Variants in CDH13 observed in about 807,000 individuals in gnomAD.
CDH13 encodes the protein cadherin 13, also known as cadherin-13.
A neutral mutation model predicts 63.8 loss-of-function variants in CDH13; 24 were observed. The ratio of observed to expected loss-of-function variants is 0.38; its 90% CI spans 0.27 to 0.53. The LOEUF (loss-of-function observed/expected upper bound fraction) is 0.53. CDH13 is among the 20% of genes least tolerant of loss of function. The pLI is 0.85. For synonymous variants in CDH13, 503 were observed against 355.3 expected (o/e 1.42, Z -4.67); for missense variants, 1,049 against 903.1 (o/e 1.16, Z -2.07).
chr16:82,968,628 C>T (rs916879373), intron 2 of CDH13, among the ~76,000 whole-genome samples: 2 of 152,088 alleles, frequency 1.3e-5, no homozygotes, highest in East Asian at 3.9e-4. Context: ...ATTCCAAGAC[C>T]CATCTCTCCT....
At chr16:83,605,636 A>T (rs1908256099) in intron 8 of CDH13, among the ~76,000 whole-genome samples, 1 of 152,156 alleles carries the variant, frequency 6.6e-6, no homozygotes, top group African/African-American at 2.4e-5. Flanking sequence ...AAGTATAGAG[A>T]TGAGGACAGT....
At chr16:83,325,952 G>T (rs1016897337) in intron 5 of CDH13, among the ~76,000 whole-genome samples, 1 of 152,092 alleles carries the variant, frequency 6.6e-6, no homozygotes, top group African/African-American at 2.4e-5. Flanking sequence ...TATGTGATAT[G>T]CTCAGTAAAT....
chr16:82,867,093 A>G (rs2040176585), intron 2 of CDH13, among the ~76,000 whole-genome samples: 2 of 152,276 alleles, frequency 1.3e-5, no homozygotes, highest in Non-Finnish European at 1.5e-5. Context: ...GCCACCTCGA[A>G]CCTCACAACA....
intron 7 of CDH13, among the ~76,000 whole-genome samples, chr16:83,504,185 G>C (rs769601969): frequency 5.9e-5 from 9 of 152,156 alleles, no homozygotes; most frequent in Non-Finnish European, 8.8e-5. Context: ...CAAGGGTAAG[G>C]CTTGGTGAGT....
intron 5 of CDH13, among the ~76,000 whole-genome samples, chr16:83,234,246 ACCTAGG>A (rs2040083801): frequency 6.6e-6 from 1 of 152,136 alleles, no homozygotes; most frequent in African/African-American, 2.4e-5. Flanking sequence ...CATAAATGTT[ACCTAGG>A]TGCTTTGCGG....
In CDH13 at chr16:82,963,284, C is replaced by T. The variant is rs1339113481; in HGVS notation, c.158-68726C>T. Among the ~76,000 whole-genome samples, 5 of 151,884 alleles carry T rather than the reference C, an allele frequency of 3.3e-5. No individual in the cohort carries two copies. In the East Asian group the frequency reaches 9.7e-4, roughly 29 times the overall value. On this transcript the variant is annotated intron_variant, in intron 2 of 13. Coordinates refer to ENST00000567109, the MANE Select transcript of CDH13 (RefSeq NM_001257.5). ...ATCCCAGCTACTAGGGAGGCTGAGG[C>T]AGAAGAATCGCTTGAACCTGAGAGG...
intron 5 of CDH13, among the ~76,000 whole-genome samples, chr16:83,231,213 G>GA (rs2039990981): frequency 6.6e-6 from 1 of 152,178 alleles, no homozygotes; most frequent in African/African-American, 2.4e-5. Context: ...TCTTCTCTAT[G>GA]AAGAATTCAG....
intron 2 of CDH13, among the ~76,000 whole-genome samples, chr16:83,016,744 G>T (rs1597415795): frequency 6.6e-6 from 1 of 152,018 alleles, no homozygotes; most frequent in African/African-American, 2.4e-5. Context: ...GTAGCACAAG[G>T]CCATCTCTGC....
intron 1 of CDH13, among the ~76,000 whole-genome samples, chr16:82,807,088 C>CTT (rs11327303): frequency 2.9e-5 from 4 of 139,258 alleles, no homozygotes; most frequent in African/African-American, 7.9e-5. Context: ...GGGATCATGC[C>CTT]TTTTTTTTTT....
intron 4 of CDH13, among the ~76,000 whole-genome samples, chr16:83,193,358 A>C (rs1360651943): frequency 1.3e-5 from 2 of 152,216 alleles, no homozygotes; most frequent in Admixed American, 1.3e-4. Flanking sequence ...ATAGATTAAA[A>C]AGTGGCTGAG....
At position 83,058,412 on chromosome 16, in the gene CDH13, A is replaced by G. The variant is rs144580559; in HGVS notation, c.366+26194A>G. ...TCTTCTCTGGCGGTTTGGTGTTCCT[A>G]TGTTTCAACATGGGGGTACCAAATA... On this transcript the variant is annotated intron_variant, in intron 3 of 13. Transcript: ENST00000567109. Among the ~76,000 whole-genome samples the G allele has an allele frequency of 3.7e-3, 570 of 152,282 alleles. 7 individuals carry two copies. Among genetic ancestry groups the G allele is most frequent in the African/African-American group, 0.013 (538 of 41,566 alleles).
At chr16:82,963,680 C>G (rs1907377818) in intron 2 of CDH13, among the ~76,000 whole-genome samples, 1 of 152,164 alleles carries the variant, frequency 6.6e-6, no homozygotes, top group Admixed American at 6.5e-5. Context: ...GTATTTCCCC[C>G]CTAAATCCTC....
chr16:83,479,884 GT>G (rs1413074851), intron 6 of CDH13, among the ~76,000 whole-genome samples: 3 of 152,160 alleles, frequency 2.0e-5, no homozygotes, highest in Non-Finnish European at 4.4e-5. Flanking sequence ...TAGAATTAAC[GT>G]TTTGTGATGG....
chr16:83,489,548 A>T (rs2073963007), intron 7 of CDH13, among the ~76,000 whole-genome samples: 1 of 152,194 alleles, frequency 6.6e-6, no homozygotes, highest in Non-Finnish European at 1.5e-5. Context: ...TTTGCTGAGG[A>T]GGTGGAACGT....
intron 3 of CDH13, among the ~76,000 whole-genome samples, chr16:83,076,910 G>T (rs2032879825): frequency 6.6e-6 from 1 of 151,630 alleles, no homozygotes; most frequent in Admixed American, 6.6e-5. Context: ...AAAAGTAATG[G>T]CAAAAACCGC....
chr16:82,865,088 G>T (rs1171144874), intron 2 of CDH13, among the ~76,000 whole-genome samples: 1 of 152,226 alleles, frequency 6.6e-6, no homozygotes, highest in Non-Finnish European at 1.5e-5. Context: ...CAAGAGGTGG[G>T]TTCTCACAGT....
intron 2 of CDH13, among the ~76,000 whole-genome samples, chr16:83,025,607 A>C (rs936872014): frequency 1.3e-5 from 2 of 152,176 alleles, no homozygotes; most frequent in Non-Finnish European, 2.9e-5. Flanking sequence ...ATTCAAGATG[A>C]GATTTTGGTG....
intron 6 of CDH13, among the ~76,000 whole-genome samples, chr16:83,449,270 T>C (rs1273777519): frequency 5.3e-5 from 8 of 152,206 alleles, no homozygotes; most frequent in African/African-American, 1.9e-4. Flanking sequence ...AGACCTGAGA[T>C]GAGAGGATGA....
intron 2 of CDH13, among the ~76,000 whole-genome samples, chr16:82,965,879 T>C (rs912405780): frequency 6.6e-6 from 1 of 152,234 alleles, no homozygotes; most frequent in Non-Finnish European, 1.5e-5. Context: ...CACACCCATA[T>C]GGAGGAGTAC....
Sources: allele counts gnomAD v4.1 joint callset (sites outside exome capture counted in the v4.1 genomes callset), GRCh38; gene constraint gnomAD v4.1.1; transcripts MANE v1.5; gene names NCBI Gene and HGNC (gene_info 2026-07-23, HGNC 2026-07-21).